PREX2: variants seen among roughly 807,000 people sequenced by gnomAD.
The protein encoded by PREX2 is phosphatidylinositol-3,4,5-trisphosphate dependent Rac exchange factor 2, also known as phosphatidylinositol 3,4,5-trisphosphate-dependent Rac exchanger 2 protein.
A neutral mutation model predicts 203.2 loss-of-function variants in PREX2; 107 were observed. The observed-to-expected ratio is 0.53, with a 90% CI of 0.45 to 0.62. PREX2 has a LOEUF of 0.62. Ranked by LOEUF, PREX2 falls within the 20% of genes least tolerant of loss-of-function variation. The pLI is 0.00. For synonymous variants in PREX2, 672 were observed against 663.6 expected (o/e 1.01, Z -0.19); for missense variants, 1,777 against 1,955.9 (o/e 0.91, Z 1.72).
chr8:67,977,248 G>C (rs1477861094), intron 1 of PREX2, among the ~76,000 whole-genome samples: 1 of 152,078 alleles, frequency 6.6e-6, no homozygotes, highest in Non-Finnish European at 1.5e-5. Context: ...ATCAGAAGAG[G>C]GTCCTCACCA....
chr8:68,186,502 G>C (rs570809807), intron 35 of PREX2, among the ~76,000 whole-genome samples: 1 of 152,154 alleles, frequency 6.6e-6, no homozygotes, highest in Non-Finnish European at 1.5e-5. Flanking sequence ...CTGCTATATA[G>C]CAGGGTTTTT....
At chr8:68,199,150 C>T (rs1382247678) in intron 37 of PREX2, among the ~76,000 whole-genome samples, 2 of 151,878 alleles carry the variant, frequency 1.3e-5, no homozygotes, top group Non-Finnish European at 2.9e-5. Context: ...GGGGGTTCAC[C>T]AGCACCCAGT....
intron 35 of PREX2, among the ~76,000 whole-genome samples, chr8:68,185,825 T>C (rs1436361118): frequency 6.7e-6 from 1 of 148,466 alleles, no homozygotes; most frequent in Non-Finnish European, 1.5e-5. Flanking sequence ...AAAGGAAACA[T>C]ACTCTGCAGC....
intron 34 of PREX2, among the ~76,000 whole-genome samples, chr8:68,151,384 A>G (rs570719792): frequency 6.6e-6 from 1 of 152,228 alleles, no homozygotes; most frequent in East Asian, 1.9e-4. Flanking sequence ...ACTACTGCAC[A>G]CCAACCTGGG....
At chr8:68,092,117 T>C (rs1293650949) in intron 20 of PREX2, among the ~76,000 whole-genome samples, 1 of 152,166 alleles carries the variant, frequency 6.6e-6, no homozygotes, top group Non-Finnish European at 1.5e-5. Flanking sequence ...TTGCATGGCC[T>C]CTCTTTCCAG....
At chr8:68,109,686 GA>G (rs1188245179) in intron 25 of PREX2, 63 bp downstream of exon 25, 35 of 1,372,376 alleles carry the variant, frequency 2.6e-5, no homozygotes, top group Non-Finnish European at 3.1e-6. Flanking sequence ...ATGTGGCTTA[GA>G]AAAATTCAAT....
intron 1 of PREX2, among the ~76,000 whole-genome samples, chr8:67,979,481 C>G (rs906254347): frequency 6.6e-6 from 1 of 152,194 alleles, no homozygotes. Context: ...AGCACACTTA[C>G]TTAAATGCCA....
chr8:68,212,800 A>C (rs964155780), intron 37 of PREX2, among the ~76,000 whole-genome samples: 2 of 152,242 alleles, frequency 1.3e-5, no homozygotes, highest in Admixed American at 6.5e-5. Flanking sequence ...TTCCAACATC[A>C]AAATGAGTTA....
chr8:68,062,741 CT>C (rs1808894461), intron 11 of PREX2, among the ~76,000 whole-genome samples: 1 of 140,182 alleles, frequency 7.1e-6, no homozygotes, highest in African/African-American at 2.9e-5. Flanking sequence ...TTCCAATGTC[CT>C]ATTTTTTTTT....
chr8:68,147,551 T>G (rs1459254723), intron 34 of PREX2, among the ~76,000 whole-genome samples: 1 of 152,326 alleles, frequency 6.6e-6, no homozygotes, highest in Middle Eastern at 3.4e-3. Context: ...CCTTCCACTA[T>G]GATTGTGAGG....
chr8:68,175,191 G>A (rs545644085), intron 35 of PREX2, among the ~76,000 whole-genome samples: 101 of 152,248 alleles, frequency 6.6e-4, no homozygotes, highest in African/African-American at 2.3e-3. Context: ...TGGGCCAGGC[G>A]GAGAGCAGTG....
chr8:68,109,967 G>A (rs984893555), intron 25 of PREX2, among the ~76,000 whole-genome samples: 10 of 152,086 alleles, frequency 6.6e-5, no homozygotes, highest in Admixed American at 6.5e-4. Flanking sequence ...TTGTAGTTCA[G>A]GGTGCAAATT....
intron 35 of PREX2, among the ~76,000 whole-genome samples, chr8:68,187,033 T>TG (rs1181218831): frequency 2.0e-5 from 3 of 151,760 alleles, no homozygotes; most frequent in Admixed American, 2.0e-4. Flanking sequence ...ATGACAACTT[T>TG]TTTTTTTTTT....
chr8:67,973,399 G>T (rs10504412), intron 1 of PREX2, among the ~76,000 whole-genome samples: 36,491 of 151,982 alleles, frequency 0.24, 5,061 homozygotes, highest in East Asian at 0.54. Flanking sequence ...GAATCTCTCC[G>T]ATAGGGTTCT....
intron 35 of PREX2, among the ~76,000 whole-genome samples, chr8:68,179,265 A>T (rs1812040075): frequency 6.6e-6 from 1 of 152,144 alleles, no homozygotes; most frequent in African/African-American, 2.4e-5. Context: ...CTAAATTCTC[A>T]CTTACAATTT....
intron 2 of PREX2, among the ~76,000 whole-genome samples, chr8:68,018,853 T>C (rs1163090126): frequency 6.6e-6 from 1 of 152,240 alleles, no homozygotes; most frequent in African/African-American, 2.4e-5. Flanking sequence ...TAAAACATTC[T>C]AAGGATTTTT....
At chr8:68,000,531 T>C (rs1164933116) in intron 1 of PREX2, among the ~76,000 whole-genome samples, 1 of 152,136 alleles carries the variant, frequency 6.6e-6, no homozygotes, top group Non-Finnish European at 1.5e-5. Flanking sequence ...CCCAAAACAA[T>C]TTACAAATTC....
intron 13 of PREX2, among the ~76,000 whole-genome samples, chr8:68,072,146 G>A (rs957010167): frequency 6.6e-6 from 1 of 152,036 alleles, no homozygotes; most frequent in Non-Finnish European, 1.5e-5. Flanking sequence ...ACTTAAAGTC[G>A]CAGTTTCCAA....
chr8:67,986,503 C>T lies in PREX2; in HGVS notation c.142-31343C>T, dbSNP rs530723546. On this transcript the variant is annotated intron_variant, in intron 1 of 39. Transcript: ENST00000288368. ...AGGTGGCTTGTCTACGTGCAAATGACGTGCTTGCTTGCTACATGTAGACAT... is the reference window on the plus strand; with the variant it reads ...AGGTGGCTTGTCTACGTGCAAATGATGTGCTTGCTTGCTACATGTAGACAT... Among the ~76,000 whole-genome samples, 4 of 152,332 alleles carry T rather than the reference C, an allele frequency of 2.6e-5. No homozygotes were observed. In the East Asian group the frequency reaches 5.8e-4, roughly 22 times the overall value.
Sources: gnomAD v4.1 joint callset for allele counts (sites outside exome capture counted in the v4.1 genomes callset) on GRCh38, gnomAD v4.1.1 for gene constraint, MANE v1.5 for transcripts, NCBI Gene and HGNC (gene_info 2026-07-23, HGNC 2026-07-21) for gene names.